Variants in MAP7 observed in about 807,000 individuals in gnomAD.
MAP7 encodes the protein microtubule associated protein 7, also known as ensconsin.
In MAP7, 52 loss-of-function variants were observed where a neutral mutation model predicts 94.8. The ratio of observed to expected loss-of-function variants is 0.55; its 90% CI spans 0.44 to 0.69. The LOEUF is 0.69. Among genes scored for constraint, MAP7 ranks in the 30% least tolerant of loss-of-function variants. MAP7 has a pLI of 0.00. For missense variants in MAP7, 940 were observed against 964.6 expected, an observed-to-expected ratio of 0.97 and a Z score of 0.34; for synonymous variants, 350 against 357.0, an observed-to-expected ratio of 0.98 and a Z score of 0.22.
At chr6:136,427,058 G>C (rs570473471) in intron 1 of MAP7, among the ~76,000 whole-genome samples, 1 of 152,366 alleles carries the variant, frequency 6.6e-6, no homozygotes, top group South Asian at 2.1e-4. Flanking sequence ...CGTGTACCAA[G>C]AGATAAGTAT....
intron 1 of MAP7, among the ~76,000 whole-genome samples, chr6:136,519,994 T>G (rs1825921689): frequency 1.3e-5 from 2 of 151,180 alleles, no homozygotes; most frequent in African/African-American, 4.9e-5. Flanking sequence ...AGCCCAGGAG[T>G]TGGAGACCAG....
rs553227774 is a variant in MAP7, at chr6:136,517,905, G to A, written c.67+32437C>T. On this transcript the variant is annotated intron_variant, in intron 1 of 17. Transcript: ENST00000354570. ...CTCAGAGGCGACAACTGGTTTGTAA[G>A]GGGGTAACTTCTCTTAAAGTTGCAT... 1.2e-3 allele frequency among the ~76,000 whole-genome samples: 183 copies of A among 152,276 alleles called. 4 individuals carry two copies. The Middle Eastern group carries it at 0.024, about 20-fold the overall frequency.
chr6:136,418,347 T>C (rs1790188895), intron 2 of MAP7, among the ~76,000 whole-genome samples: 1 of 152,124 alleles, frequency 6.6e-6, no homozygotes, highest in Admixed American at 6.6e-5. Flanking sequence ...CCTGAGTAGC[T>C]GGGGTTATGG....
chr6:136,393,415 A>G (rs1781348491), intron 3 of MAP7, among the ~76,000 whole-genome samples: 1 of 152,128 alleles, frequency 6.6e-6, no homozygotes, highest in Non-Finnish European at 1.5e-5. Flanking sequence ...CAGATTCCAG[A>G]GCTCCACCTC....
intron 1 of MAP7, among the ~76,000 whole-genome samples, chr6:136,484,212 C>A (rs1303816213): frequency 6.6e-6 from 1 of 152,202 alleles, no homozygotes; most frequent in Non-Finnish European, 1.5e-5. Context: ...CTATTAAGAA[C>A]TGGCACTATT....
chr6:136,353,967 G>C (rs945175208), intron 16 of MAP7, among the ~76,000 whole-genome samples: 1 of 151,960 alleles, frequency 6.6e-6, no homozygotes, highest in Non-Finnish European at 1.5e-5. Context: ...GTAACACTGT[G>C]GGGGAAGGTT....
At chr6:136,360,873 TG>T in intron 12 of MAP7, 75 bp from the exon 13 acceptor site, 1 of 1,574,330 alleles carries the variant, frequency 6.4e-7, no homozygotes. Flanking sequence ...TGCCCAGAGG[TG>T]GGGGCGAGGT....
chr6:136,425,001 G>A (rs1446568868), intron 1 of MAP7, among the ~76,000 whole-genome samples: 2 of 152,164 alleles, frequency 1.3e-5, no homozygotes, highest in East Asian at 1.9e-4. Context: ...AAGACCCTCC[G>A]TGGATGCCTG....
chr6:136,480,336 A>T (rs191508588), intron 1 of MAP7, among the ~76,000 whole-genome samples: 1 of 152,314 alleles, frequency 6.6e-6, no homozygotes, highest in Admixed American at 6.5e-5. Flanking sequence ...CATATACAAA[A>T]ATCAAATCAA....
Position 136,388,460 on chromosome 6 carries a change from T to C in MAP7, c.459A>G (p.Pro153=), listed in dbSNP as rs143489915. The C allele has an allele frequency of 4.6e-5, 74 of 1,614,198 alleles. No individual in the cohort carries two copies. The highest frequency in any genetic ancestry group is 5.8e-5 in the Non-Finnish European group (68 of 1,180,016). Residue 153 remains proline, a synonymous_variant, in exon 5 of 18, where the codon CCA becomes CCG. Transcript: ENST00000354570. ...VRRTMERSQK[P]KQKHNRWSWG... ...ACGACCAACGGTTATGCTTCTGTTT[T>C]GGCTTCTGGCTCCTTTCCATTGTGC... is the stretch of plus-strand genomic sequence containing the variant.
At chr6:136,381,919 C>CAGAGAGAG (rs1554237619) in intron 6 of MAP7, among the ~76,000 whole-genome samples, 14 of 102,972 alleles carry the variant, frequency 1.4e-4, no homozygotes, top group African/African-American at 4.6e-4. Context: ...CACACACACA[C>CAGAGAGAG]AGAGAGAGAG....
At chr6:136,532,232 C>T (rs1300277233) in intron 1 of MAP7, among the ~76,000 whole-genome samples, 1 of 152,110 alleles carries the variant, frequency 6.6e-6, no homozygotes, top group Non-Finnish European at 1.5e-5. Context: ...ACCAGCGTGC[C>T]TAATAGGAGG....
intron 1 of MAP7, among the ~76,000 whole-genome samples, chr6:136,456,692 AAGAAAGAAGAAGAAAGAAGAGG>A (rs1289651308): frequency 1.4e-5 from 2 of 144,016 alleles, no homozygotes; most frequent in African/African-American, 2.6e-5. Context: ...AAGAAGAAAG[AAGAAAGAAGAAGAAAGAAGAGG>A]AGAAGAAAGA....
chr6:136,403,208 TC>T (rs756285506), intron 3 of MAP7, among the ~76,000 whole-genome samples: 25 of 152,106 alleles, frequency 1.6e-4, no homozygotes, highest in Non-Finnish European at 3.5e-4. Context: ...CTTCTCTAAT[TC>T]CAGGAATCTA....
rs1444223652 is a variant in MAP7, at chr6:136,441,687, C to A, written c.68-19888G>T. 2.0e-5 allele frequency among the ~76,000 whole-genome samples: 3 copies of A among 152,074 alleles called. No homozygotes were observed. In the East Asian group the frequency reaches 5.8e-4, roughly 29 times the overall value. On this transcript the variant is annotated intron_variant, in intron 1 of 17. Coordinates refer to ENST00000354570, the MANE Select transcript of MAP7 (RefSeq NM_003980.6). ...GTCAAGAACCCCTCTCCCTGAGCAC[C>A]CAATGACAGAAGATGCTTTGAGTGG... is the stretch of plus-strand genomic sequence containing the variant.
chr6:136,375,286 C>CG (rs1167874893), intron 7 of MAP7, among the ~76,000 whole-genome samples: 1 of 151,936 alleles, frequency 6.6e-6, no homozygotes, highest in African/African-American at 2.4e-5. Flanking sequence ...TTGAATGTCC[C>CG]GGGGAAAAAA....
chr6:136,469,158 C>T (rs1451434572), intron 1 of MAP7, among the ~76,000 whole-genome samples: 1 of 152,128 alleles, frequency 6.6e-6, no homozygotes, highest in Non-Finnish European at 1.5e-5. Context: ...TCATCTTAAA[C>T]TGTACACTGC....
At chr6:136,494,432 G>T (rs1402987685) in intron 1 of MAP7, among the ~76,000 whole-genome samples, 1 of 151,952 alleles carries the variant, frequency 6.6e-6, no homozygotes, top group African/African-American at 2.4e-5. Flanking sequence ...GGTTTTCTGG[G>T]GAGAAATCTC....
At chr6:136,533,482 G>C (rs1045708207) in intron 1 of MAP7, among the ~76,000 whole-genome samples, 2 of 152,182 alleles carry the variant, frequency 1.3e-5, no homozygotes, top group African/African-American at 4.8e-5. Context: ...GGACAGCAAA[G>C]CATCGGACAG....
Sources: gnomAD v4.1 joint callset for allele counts (sites outside exome capture counted in the v4.1 genomes callset) on GRCh38, gnomAD v4.1.1 for gene constraint, MANE v1.5 for transcripts, NCBI Gene and HGNC (gene_info 2026-07-23, HGNC 2026-07-21) for gene names.